OR2L13: variants seen among roughly 807,000 people sequenced by gnomAD.
OR2L13 encodes olfactory receptor family 2 subfamily L member 13.
A neutral mutation model predicts 15.3 loss-of-function variants in OR2L13; 14 were observed. That is an observed-to-expected ratio of 0.91 (90% CI 0.60 to 1.43). The LOEUF is 1.43. Among genes scored for constraint, OR2L13 ranks in the 40% most tolerant of loss-of-function variants. The pLI is 0.00. For synonymous variants in OR2L13, 152 were observed against 142.9 expected, an observed-to-expected ratio of 1.06 and a Z score of -0.45; for missense variants, 367 against 387.9, an observed-to-expected ratio of 0.95 and a Z score of 0.45.
the OR2L13 span, among the ~76,000 whole-genome samples, chr1:248,066,984 A>G: frequency 1.3e-5 from 2 of 152,244 alleles, no homozygotes; most frequent in Non-Finnish European, 2.9e-5. Flanking sequence ...AATTTGCAGG[A>G]AAAAGCATTA....
chr1:248,077,161 T>C, the OR2L13 span, among the ~76,000 whole-genome samples: 1 of 152,164 alleles, frequency 6.6e-6, no homozygotes, highest in African/African-American at 2.4e-5. Flanking sequence ...TTTGTGTATA[T>C]TGAACCAGCC....
the OR2L13 span, among the ~76,000 whole-genome samples, chr1:247,961,859 A>C: frequency 6.6e-6 from 1 of 152,242 alleles, no homozygotes; most frequent in Admixed American, 6.5e-5. Context: ...GCCAAAAAAA[A>C]AGCCTGATTC....
At chr1:248,017,763 T>G in the OR2L13 span, among the ~76,000 whole-genome samples, 3 of 152,136 alleles carry the variant, frequency 2.0e-5, no homozygotes, top group Non-Finnish European at 4.4e-5. Flanking sequence ...CCTAGTGGGA[T>G]GGAGTTCTGG....
At chr1:248,070,182 G>A in the OR2L13 span, among the ~76,000 whole-genome samples, 2 of 152,072 alleles carry the variant, frequency 1.3e-5, no homozygotes, top group Non-Finnish European at 2.9e-5. Flanking sequence ...ATTTTTTTCA[G>A]CACCACAACA....
At chr1:248,067,256 A>G in the OR2L13 span, among the ~76,000 whole-genome samples, 1 of 152,194 alleles carries the variant, frequency 6.6e-6, no homozygotes, top group South Asian at 2.1e-4. Flanking sequence ...CTACTTTTAC[A>G]TATTATCAAC....
chr1:247,988,795 T>C, the OR2L13 span, among the ~76,000 whole-genome samples: 2 of 152,190 alleles, frequency 1.3e-5, no homozygotes, highest in Non-Finnish European at 2.9e-5. Flanking sequence ...CTTTTTTCCA[T>C]TTAAGTGAAT....
the OR2L13 span, among the ~76,000 whole-genome samples, chr1:248,033,138 A>C: frequency 6.6e-6 from 1 of 152,228 alleles, no homozygotes; most frequent in Non-Finnish European, 1.5e-5. Flanking sequence ...TCATAAATCG[A>C]GAAGCCTCTC....
the OR2L13 span, among the ~76,000 whole-genome samples, chr1:248,008,287 G>A: frequency 6.6e-6 from 1 of 152,138 alleles, no homozygotes; most frequent in Admixed American, 6.5e-5. Context: ...CTTCAAGCCA[G>A]TTTCTCTATT....
At chr1:247,972,395 A>G in the OR2L13 span, among the ~76,000 whole-genome samples, 3 of 152,210 alleles carry the variant, frequency 2.0e-5, no homozygotes, top group Admixed American at 6.5e-5. Flanking sequence ...AAAAGAGAGA[A>G]GAATCAAATA....
At chr1:247,984,734 A>G in the OR2L13 span, among the ~76,000 whole-genome samples, 1 of 152,234 alleles carries the variant, frequency 6.6e-6, no homozygotes, top group African/African-American at 2.4e-5. Flanking sequence ...ATAAATATGC[A>G]TAAGGTAAAC....
At chr1:248,059,550 G>A in the OR2L13 span, among the ~76,000 whole-genome samples, 8 of 152,164 alleles carry the variant, frequency 5.3e-5, no homozygotes, top group Admixed American at 5.2e-4. Context: ...GGATGATGAT[G>A]AATATTGAAA....
chr1:248,025,649 T>A, the OR2L13 span, among the ~76,000 whole-genome samples: 5 of 139,246 alleles, frequency 3.6e-5, no homozygotes, highest in Middle Eastern at 3.7e-3. Flanking sequence ...CACATGCACA[T>A]GTATGTTTAT....
At chr1:247,975,697 A>G in the OR2L13 span, 4 of 798,634 alleles carry the variant, frequency 5.0e-6, no homozygotes, top group Non-Finnish European at 8.2e-6. Context: ...CACTAGCCTC[A>G]CATCAACTTA....
chr1:248,026,032 A>G, the OR2L13 span, among the ~76,000 whole-genome samples: 1 of 152,100 alleles, frequency 6.6e-6, no homozygotes, highest in Non-Finnish European at 1.5e-5. Flanking sequence ...ACACCAGCAT[A>G]GCACATGTAT....
chr1:248,037,170 TAAC>T, the OR2L13 span, among the ~76,000 whole-genome samples: 14 of 152,150 alleles, frequency 9.2e-5, no homozygotes, highest in Admixed American at 6.5e-4. Context: ...GTACTTAAAA[TAAC>T]AATTCATTCT....
chr1:247,954,980 G>A, the OR2L13 span, among the ~76,000 whole-genome samples: 3,702 of 151,426 alleles, frequency 0.024, 58 homozygotes, highest in East Asian at 0.037. Context: ...TAAGTTTTAG[G>A]GTACATGTGC....
the OR2L13 span, among the ~76,000 whole-genome samples, chr1:247,993,762 G>GGAGAGAGA: frequency 3.7e-5 from 2 of 53,666 alleles, no homozygotes; most frequent in Non-Finnish European, 3.4e-5. Flanking sequence ...AGAGAGAGGG[G>GGAGAGAGA]GAGAGAGAGA....
the OR2L13 span, among the ~76,000 whole-genome samples, chr1:248,079,511 A>T: frequency 2.0e-5 from 3 of 152,188 alleles, no homozygotes; most frequent in Non-Finnish European, 4.4e-5. Flanking sequence ...ACAAAAAGAA[A>T]GAAAAAGAAC....
the OR2L13 span, among the ~76,000 whole-genome samples, chr1:248,070,516 G>A: frequency 6.6e-6 from 1 of 152,090 alleles, no homozygotes; most frequent in Non-Finnish European, 1.5e-5. Flanking sequence ...GCCCACAAGA[G>A]AAAGCAGGAA....
Sources: allele counts gnomAD v4.1 joint callset (sites outside exome capture counted in the v4.1 genomes callset), GRCh38; gene constraint gnomAD v4.1.1; transcripts MANE v1.5; gene names NCBI Gene and HGNC (gene_info 2026-07-23, HGNC 2026-07-21).